Variants in ARID1B observed in about 807,000 individuals in gnomAD.
The protein encoded by ARID1B is AT-rich interaction domain 1B, also known as AT-rich interactive domain-containing protein 1B.
Under a neutral mutation model 212.3 loss-of-function variants are expected in ARID1B, and 30 were observed. The observed-to-expected ratio is 0.14, with a 90% CI of 0.11 to 0.19. ARID1B has a LOEUF of 0.19. Ranked by LOEUF, ARID1B falls within the 10% of genes least tolerant of loss-of-function variation. The pLI is 1.00. For synonymous variants in ARID1B, 1,402 were observed against 1,301.7 expected (o/e 1.08, Z -1.66); for missense variants, 2,891 against 3,204.0 (o/e 0.90, Z 2.36).
chr6:157,196,056 C>A (rs1030627858), intron 15 of ARID1B, 109 bp from the exon 16 acceptor site: 11 of 1,421,378 alleles, frequency 7.7e-6, no homozygotes, highest in Non-Finnish European at 1.1e-5. Context: ...GAGACTCCAT[C>A]TCAAAAAAAA....
intron 1 of ARID1B, among the ~76,000 whole-genome samples, chr6:156,827,255 C>T (rs1409346232): frequency 2.0e-5 from 3 of 152,246 alleles, no homozygotes; most frequent in African/African-American, 7.2e-5. Flanking sequence ...ATGTAAACCA[C>T]TGAAGGCTCC....
At chr6:157,123,785 T>C (rs549454533) in intron 6 of ARID1B, among the ~76,000 whole-genome samples, 1 of 152,396 alleles carries the variant, frequency 6.6e-6, no homozygotes, top group East Asian at 1.9e-4. Flanking sequence ...GTGCAAGCAC[T>C]GAGCTGTGTG....
At chr6:157,181,623 A>T (rs1303178984) in intron 12 of ARID1B, among the ~76,000 whole-genome samples, 1 of 152,248 alleles carries the variant, frequency 6.6e-6, no homozygotes, top group Non-Finnish European at 1.5e-5. Context: ...TTGTCAAACC[A>T]TGCCCACAAT....
At position 157,000,895 on chromosome 6, in the gene ARID1B, A is replaced by G. The variant is rs913373491; in HGVS notation, c.2247+65319A>G. Among the ~76,000 whole-genome samples the G allele has an allele frequency of 2.0e-5, 3 of 152,032 alleles. No individual in the cohort carries two copies. In the East Asian group the frequency reaches 5.8e-4, roughly 29 times the overall value. On this transcript the variant is annotated intron_variant, in intron 4 of 19. Transcript: ENST00000636930. ...TTTTCAGTGGAGATGGGGTTTCACT[A>G]CGTTGGCCAGGCTGGTCTCAAACTC... is the stretch of plus-strand genomic sequence containing the variant.
Position 156,779,094 on chromosome 6 carries a change from A to T in ARID1B, c.1414A>T (p.Ser472Cys), listed in dbSNP as rs2114995595. The T allele has an allele frequency of 8.2e-7, 1 of 1,222,124 alleles. No homozygotes were observed. Among genetic ancestry groups the T allele is most frequent in the Non-Finnish European group, 1.0e-6 (1 of 983,722 alleles). The allele number at this position is 1,222,124 out of a possible 1,614,324, so 75.7% of individuals were successfully genotyped here. A position where few individuals can be genotyped will look rare whatever the true frequency, so the allele number is the denominator to read the frequency against. ...MMGPGGGGAA[S>C]LSKAAAGSAA... The stretch of plus-strand genomic sequence containing the variant: ...GGGCCCCGGGGGCGGCGGGGCCGCG[A>T]GCCTCAGCAAGGCGGCCGCCGGCTC... Residue 472 changes from serine (S) to cysteine (C), a missense_variant, in exon 1 of 20, where the codon AGC becomes TGC. By Grantham distance (112) the Ser-to-Cys change is moderately radical. Coordinates refer to ENST00000636930, the MANE Select transcript of ARID1B (RefSeq NM_001374828.1).
chr6:157,130,930 T>TGCTA (rs1398229030), intron 6 of ARID1B, among the ~76,000 whole-genome samples: 4 of 152,246 alleles, frequency 2.6e-5, no homozygotes, highest in African/African-American at 9.6e-5. Context: ...TTTGTTAGTG[T>TGCTA]GCTAGATGGA....
At chr6:157,195,798 C>T (rs988584681) in intron 15 of ARID1B, 6 of 241,092 alleles carry the variant, frequency 2.5e-5, no homozygotes, top group South Asian at 5.1e-5. Flanking sequence ...CAGTGGCTCA[C>T]GCCTATAATC....
chr6:157,076,842 C>A (rs1784344790), intron 4 of ARID1B, among the ~76,000 whole-genome samples: 1 of 152,124 alleles, frequency 6.6e-6, no homozygotes, highest in Non-Finnish European at 1.5e-5. Flanking sequence ...AAGCACCAAC[C>A]CATAAACCCA....
intron 12 of ARID1B, among the ~76,000 whole-genome samples, 197 bp downstream of exon 12, chr6:157,181,375 G>A (rs1792521210): frequency 6.6e-6 from 1 of 152,136 alleles, no homozygotes; most frequent in Non-Finnish European, 1.5e-5. Context: ...CCAACTCGCA[G>A]CGTGACCTCA....
chr6:156,857,040 G>A (rs1163757868), intron 2 of ARID1B, among the ~76,000 whole-genome samples: 1 of 152,076 alleles, frequency 6.6e-6, no homozygotes, highest in Non-Finnish European at 1.5e-5. Context: ...AAATTTACAT[G>A]TTTGCTTGAA....
chr6:156,913,696 C>A (rs143045703), intron 3 of ARID1B, among the ~76,000 whole-genome samples: 10 of 149,830 alleles, frequency 6.7e-5, no homozygotes, highest in Non-Finnish European at 1.2e-4. Context: ...ACAACCAGCC[C>A]GCCCCAGCCC....
At chr6:157,128,823 A>G (rs982330498) in intron 6 of ARID1B, among the ~76,000 whole-genome samples, 2 of 152,242 alleles carry the variant, frequency 1.3e-5, no homozygotes. Context: ...CAAAATAAAA[A>G]CACAATCACA....
chr6:156,813,073 C>T (rs287893), intron 1 of ARID1B, among the ~76,000 whole-genome samples: 90,016 of 119,224 alleles, frequency 0.76, 31,063 homozygotes, highest in African/African-American at 0.83. Flanking sequence ...TATATATATA[C>T]ACACATACGT....
intron 1 of ARID1B, among the ~76,000 whole-genome samples, chr6:156,809,023 G>A (rs1013974793): frequency 6.6e-6 from 1 of 152,168 alleles, no homozygotes; most frequent in African/African-American, 2.4e-5. Context: ...ATTCATTTTA[G>A]TAATTTGATT....
At chr6:156,885,686 T>TATGTTGATATTTCAAGTACTTTGATAC (rs1787446792) in intron 2 of ARID1B, among the ~76,000 whole-genome samples, 1 of 152,250 alleles carries the variant, frequency 6.6e-6, no homozygotes, top group Non-Finnish European at 1.5e-5. Flanking sequence ...TACTTTGAAA[T>TATGTTGATATTTCAAGTACTTTGATAC]ATGTTGATAT....
chr6:156,805,934 C>T (rs1408054809), intron 1 of ARID1B, among the ~76,000 whole-genome samples: 1 of 152,146 alleles, frequency 6.6e-6, no homozygotes, highest in Non-Finnish European at 1.5e-5. Context: ...GCCTTGGCCT[C>T]CTGATGTGTT....
rs1005981983 is a variant in ARID1B, at chr6:157,210,089, G to A, written c.*2198G>A. 4.7e-5 allele frequency: 11 copies of A among 232,696 alleles called. No individual in the cohort carries two copies. Among genetic ancestry groups the A allele is most frequent in the African/African-American group, 8.8e-5 (4 of 45,300 alleles). 14.4% of individuals were successfully genotyped at this position (232,696 alleles called of 1,614,324 possible). Reference sequence around the variant, plus strand: ...GTGAGACGTGACTCTCCAGTGTCACGAGGAAAAAAATCATCTTTTCTGCAA... The same window carrying A: ...GTGAGACGTGACTCTCCAGTGTCACAAGGAAAAAAATCATCTTTTCTGCAA... On this transcript the variant is annotated 3_prime_UTR_variant, in exon 20 of 20. Coordinates refer to ENST00000636930, the MANE Select transcript of ARID1B (RefSeq NM_001374828.1).
chr6:157,021,591 G>A (rs1376870658), intron 4 of ARID1B, among the ~76,000 whole-genome samples: 3 of 152,202 alleles, frequency 2.0e-5, no homozygotes, highest in African/African-American at 4.8e-5. Flanking sequence ...CAGCCTGACT[G>A]AACAGGCTCG....
chr6:156,947,435 C>CT (rs1793233271), intron 4 of ARID1B, among the ~76,000 whole-genome samples: 2 of 151,340 alleles, frequency 1.3e-5, no homozygotes, highest in East Asian at 1.9e-4. Flanking sequence ...TTGTTTTTTT[C>CT]TTTTTTGCAG....
Sources: gnomAD v4.1 joint callset for allele counts (sites outside exome capture counted in the v4.1 genomes callset) on GRCh38, gnomAD v4.1.1 for gene constraint, MANE v1.5 for transcripts, NCBI Gene and HGNC (gene_info 2026-07-23, HGNC 2026-07-21) for gene names.